Variants in SUGCT observed in about 807,000 individuals in gnomAD.
The protein encoded by SUGCT is succinyl-CoA:glutarate-CoA transferase.
Under a neutral mutation model 55.0 loss-of-function variants are expected in SUGCT, and 41 were observed. The ratio of observed to expected loss-of-function variants is 0.74; its 90% CI spans 0.58 to 0.97. The LOEUF (loss-of-function observed/expected upper bound fraction) is 0.97, where lower values mean the gene tolerates loss of function less well. SUGCT is among the 50% of genes least tolerant of loss of function. The pLI is 0.00. For synonymous variants in SUGCT, 187 were observed against 200.4 expected, an observed-to-expected ratio of 0.93 and a Z score of 0.56; for missense variants, 568 against 547.8, an observed-to-expected ratio of 1.04 and a Z score of -0.37.
intron 13 of SUGCT, among the ~76,000 whole-genome samples, chr7:40,784,787 T>C (rs1183693100): frequency 6.6e-6 from 1 of 152,194 alleles, no homozygotes; most frequent in Non-Finnish European, 1.5e-5. Flanking sequence ...GCTTTTGTCC[T>C]TATATGTTTT....
At chr7:40,898,992 G>A in the SUGCT span, among the ~76,000 whole-genome samples, 2 of 152,038 alleles carry the variant, frequency 1.3e-5, no homozygotes, top group South Asian at 4.2e-4. Context: ...TGGGGAGGGG[G>A]GTCTACAGCC....
the SUGCT span, among the ~76,000 whole-genome samples, chr7:40,917,786 G>A: frequency 1.3e-5 from 2 of 152,138 alleles, no homozygotes; most frequent in Non-Finnish European, 2.9e-5. Context: ...TCCTCAGATG[G>A]TAGAGAGAAG....
chr7:40,972,085 TTA>T, the SUGCT span, among the ~76,000 whole-genome samples: 8 of 152,136 alleles, frequency 5.3e-5, no homozygotes, highest in African/African-American at 1.9e-4. Flanking sequence ...TGTGAAATGT[TTA>T]TGTGTTTATA....
chr7:40,786,190 G>A (rs1790002892), intron 13 of SUGCT, among the ~76,000 whole-genome samples: 2 of 152,154 alleles, frequency 1.3e-5, no homozygotes, highest in Admixed American at 6.6e-5. Context: ...ATTGATGAAG[G>A]CTTGTGAAAT....
At chr7:40,943,639 A>T in the SUGCT span, among the ~76,000 whole-genome samples, 3 of 150,386 alleles carry the variant, frequency 2.0e-5, no homozygotes, top group African/African-American at 7.3e-5. Context: ...CATAGTATTC[A>T]TGGTGTATAT....
At chr7:40,194,361 A>G (rs1786117660) in intron 5 of SUGCT, among the ~76,000 whole-genome samples, 1 of 152,122 alleles carries the variant, frequency 6.6e-6, no homozygotes, top group Non-Finnish European at 1.5e-5. Context: ...TACCGGCTCA[A>G]GTGATCCTCC....
intron 6 of SUGCT, among the ~76,000 whole-genome samples, chr7:40,235,481 C>T (rs1271377061): frequency 2.6e-5 from 4 of 152,166 alleles, no homozygotes; most frequent in Non-Finnish European, 5.9e-5. Context: ...CATGCACCAC[C>T]ACGCCTGGCT....
At chr7:40,520,259 G>T (rs566579937) in intron 12 of SUGCT, among the ~76,000 whole-genome samples, 17 of 152,174 alleles carry the variant, frequency 1.1e-4, no homozygotes, top group Admixed American at 2.6e-4. Flanking sequence ...TCAACAAATA[G>T]CATTGAATAT....
chr7:40,279,503 GT>G (rs1163514042), intron 8 of SUGCT, among the ~76,000 whole-genome samples: 2 of 152,120 alleles, frequency 1.3e-5, no homozygotes, highest in African/African-American at 4.8e-5. Flanking sequence ...GTAGAGGGTT[GT>G]TTTTAGGATC....
rs137978245 is a variant in SUGCT at position 40,359,685 on chromosome 7, G to A, written c.816+42830G>A. Among the ~76,000 whole-genome samples, 389 of 152,208 alleles carry A rather than the reference G, an allele frequency of 2.6e-3. 2 individuals are homozygous for A. Among genetic ancestry groups the A allele is most frequent in the African/African-American group, 8.8e-3 (367 of 41,524 alleles). ...GTCCTAACTGTGTTGTTGTAGGTAA[G>A]GTGTTTACCCTTCTGAACCTTCATT... is the stretch of plus-strand genomic sequence containing the variant. On this transcript the variant is annotated intron_variant, in intron 9 of 13. Coordinates refer to ENST00000335693, the MANE Select transcript of SUGCT (RefSeq NM_001193313.2).
chr7:40,313,001 T>C (rs1259913061), intron 8 of SUGCT, among the ~76,000 whole-genome samples: 1 of 152,192 alleles, frequency 6.6e-6, no homozygotes, highest in Admixed American at 6.5e-5. Flanking sequence ...ACAGACACCA[T>C]GTGACTGCTT....
intron 8 of SUGCT, among the ~76,000 whole-genome samples, chr7:40,282,530 G>A (rs1442462935): frequency 1.3e-5 from 2 of 151,268 alleles, no homozygotes; most frequent in Non-Finnish European, 2.9e-5. Flanking sequence ...AAAACCAACT[G>A]GATATTCAGA....
At chr7:40,210,456 A>ATG (rs1186514123) in intron 6 of SUGCT, among the ~76,000 whole-genome samples, 34 of 151,516 alleles carry the variant, frequency 2.2e-4, no homozygotes, top group Non-Finnish European at 3.2e-4. Context: ...GTGCATATAT[A>ATG]TGTGTGTGTG....
intron 6 of SUGCT, among the ~76,000 whole-genome samples, chr7:40,222,663 G>T (rs529040255): frequency 6.6e-6 from 1 of 152,262 alleles, no homozygotes; most frequent in South Asian, 2.1e-4. Context: ...CTAACATGGC[G>T]AAACTCTATC....
intron 9 of SUGCT, among the ~76,000 whole-genome samples, chr7:40,438,110 A>G (rs947630824): frequency 1.6e-4 from 24 of 152,096 alleles, no homozygotes; most frequent in African/African-American, 5.1e-4. Flanking sequence ...TCATCAAATG[A>G]GGCTAACATG....
chr7:40,299,478 A>C (rs538525264), intron 8 of SUGCT, among the ~76,000 whole-genome samples: 1 of 152,212 alleles, frequency 6.6e-6, no homozygotes, highest in African/African-American at 2.4e-5. Context: ...TCAAGCCTCT[A>C]CTATGATTGT....
intron 13 of SUGCT, among the ~76,000 whole-genome samples, chr7:40,856,714 A>G (rs529574886): frequency 7.9e-5 from 12 of 152,314 alleles, no homozygotes; most frequent in Admixed American, 5.9e-4. Flanking sequence ...AAAATTGTGA[A>G]CATTCCTAAT....
At chr7:40,285,667 A>G (rs1397813033) in intron 8 of SUGCT, among the ~76,000 whole-genome samples, 1 of 152,142 alleles carries the variant, frequency 6.6e-6, no homozygotes, top group Non-Finnish European at 1.5e-5. Flanking sequence ...ATGATAAAGA[A>G]ACCACCTGCA....
chr7:40,533,889 T>G (rs1160877758), intron 12 of SUGCT, among the ~76,000 whole-genome samples: 1 of 152,182 alleles, frequency 6.6e-6, no homozygotes, highest in Non-Finnish European at 1.5e-5. Context: ...ATGGACAGTC[T>G]TTTTACAGAT....
Sources: gnomAD v4.1 joint callset for allele counts (sites outside exome capture counted in the v4.1 genomes callset) on GRCh38, gnomAD v4.1.1 for gene constraint, MANE v1.5 for transcripts, NCBI Gene and HGNC (gene_info 2026-07-23, HGNC 2026-07-21) for gene names.